C1QTNF7: variants seen among roughly 807,000 people sequenced by gnomAD.
C1QTNF7 encodes the protein complement C1q tumor necrosis factor-related protein 7.
In C1QTNF7, 15 loss-of-function variants were observed where a neutral mutation model predicts 19.6. The observed-to-expected ratio is 0.76, with a 90% CI of 0.51 to 1.18. C1QTNF7 has a LOEUF of 1.18. Among genes scored for constraint, C1QTNF7 ranks in the 50% most tolerant of loss-of-function variants. C1QTNF7 has a pLI of 0.00. For synonymous variants in C1QTNF7, 142 were observed against 137.5 expected (o/e 1.03, Z -0.23); for missense variants, 324 against 359.7 (o/e 0.90, Z 0.80).
intron 1 of C1QTNF7, among the ~76,000 whole-genome samples, chr4:15,430,660 T>A (rs1436915406): frequency 6.6e-6 from 1 of 152,238 alleles, no homozygotes; most frequent in Non-Finnish European, 1.5e-5. Context: ...ATTATTGTAA[T>A]GTTTATGAAA....
intron 1 of C1QTNF7, among the ~76,000 whole-genome samples, chr4:15,372,354 A>C (rs760441074): frequency 6.6e-6 from 1 of 152,180 alleles, no homozygotes; most frequent in African/African-American, 2.4e-5. Context: ...TCTGCCCACC[A>C]TATGAGGACA....
At chr4:15,365,570 C>A (rs72616174) in intron 1 of C1QTNF7, among the ~76,000 whole-genome samples, 21,468 of 152,046 alleles carry the variant, frequency 0.14, 1,762 homozygotes, top group East Asian at 0.4. Flanking sequence ...TGAGAAGAAC[C>A]CATCTCAAAC....
chr4:15,421,292 A>T (rs1172111510), intron 1 of C1QTNF7, among the ~76,000 whole-genome samples: 1 of 152,146 alleles, frequency 6.6e-6, no homozygotes, highest in East Asian at 1.9e-4. Flanking sequence ...TGTCACAAAG[A>T]CACTCTCAAC....
intron 1 of C1QTNF7, among the ~76,000 whole-genome samples, chr4:15,420,420 C>G (rs1380297015): frequency 6.6e-6 from 1 of 152,150 alleles, no homozygotes; most frequent in African/African-American, 2.4e-5. Context: ...CATGCATTTC[C>G]TAGTCCCAAC....
intron 1 of C1QTNF7, chr4:15,373,933 C>A (rs563931152): frequency 1.3e-5 from 2 of 152,264 alleles, no homozygotes; most frequent in Admixed American, 1.3e-4. Context: ...GATACAATTG[C>A]TTTCATCCTG....
At chr4:15,388,826 G>A (rs530086743) in intron 1 of C1QTNF7, among the ~76,000 whole-genome samples, 1 of 152,300 alleles carries the variant, frequency 6.6e-6, no homozygotes, top group Admixed American at 6.5e-5. Context: ...CAAGAAATGA[G>A]GAAGGTGGTA....
intron 2 of C1QTNF7, among the ~76,000 whole-genome samples, chr4:15,440,428 T>A (rs1712708992): frequency 7.0e-6 from 1 of 143,794 alleles, no homozygotes; most frequent in Admixed American, 6.9e-5. Context: ...TTTTTTTTGA[T>A]ACTGAGTCTT....
chr4:15,416,449 A>T (rs1276735028), intron 1 of C1QTNF7, among the ~76,000 whole-genome samples: 1 of 152,188 alleles, frequency 6.6e-6, no homozygotes, highest in East Asian at 1.9e-4. Context: ...TACAAAGTGC[A>T]GGCAAACCAA....
chr4:15,411,641 A>T (rs1719406457), intron 1 of C1QTNF7, among the ~76,000 whole-genome samples: 1 of 152,122 alleles, frequency 6.6e-6, no homozygotes, highest in Non-Finnish European at 1.5e-5. Context: ...ACCAACCCGG[A>T]CACCCCTATT....
At chr4:15,344,973 T>G (rs1716667749) in intron 1 of C1QTNF7, among the ~76,000 whole-genome samples, 1 of 152,252 alleles carries the variant, frequency 6.6e-6, no homozygotes, top group Admixed American at 6.5e-5. Flanking sequence ...CTTATGATCT[T>G]CTGCAGTTCC....
intron 1 of C1QTNF7, among the ~76,000 whole-genome samples, chr4:15,371,071 C>G (rs1717702745): frequency 6.6e-6 from 1 of 152,230 alleles, no homozygotes; most frequent in Non-Finnish European, 1.5e-5. Flanking sequence ...CCTGTCCCGT[C>G]AGCTCTTTCT....
At chr4:15,424,128 GT>G (rs1711928317), upstream of C1QTNF7, among the ~76,000 whole-genome samples, 1 of 152,066 alleles carries the variant, frequency 6.6e-6, no homozygotes, top group Non-Finnish European at 1.5e-5. Flanking sequence ...GTAACTTCCA[GT>G]TACATGAACA....
chr4:15,370,126 T>G (rs900677453), intron 1 of C1QTNF7, among the ~76,000 whole-genome samples: 2 of 152,218 alleles, frequency 1.3e-5, no homozygotes, highest in East Asian at 1.9e-4. Flanking sequence ...TATAGTGATA[T>G]AAGATGTCAC....
chr4:15,386,905 T>A (rs1287043318), intron 1 of C1QTNF7, among the ~76,000 whole-genome samples: 1 of 152,088 alleles, frequency 6.6e-6, no homozygotes, highest in African/African-American at 2.4e-5. Context: ...CCTTTAGCTT[T>A]TATTCAGAGT....
intron 1 of C1QTNF7, among the ~76,000 whole-genome samples, chr4:15,382,099 A>G (rs990514657): frequency 2.6e-5 from 4 of 152,208 alleles, no homozygotes. Context: ...TAATTCCCAG[A>G]ATTTGTGCAA....
intron 2 of C1QTNF7, among the ~76,000 whole-genome samples, chr4:15,440,324 G>A (rs1319357170): frequency 6.6e-6 from 1 of 151,780 alleles, no homozygotes; most frequent in African/African-American, 2.4e-5. Flanking sequence ...CAACCCCAAA[G>A]GTAAAAGGCA....
intron 1 of C1QTNF7, among the ~76,000 whole-genome samples, chr4:15,371,745 T>G (rs1210681131): frequency 1.3e-5 from 2 of 152,156 alleles, no homozygotes; most frequent in African/African-American, 4.8e-5. Context: ...CAGTTTGAAC[T>G]AATGAAGGGA....
intron 1 of C1QTNF7, among the ~76,000 whole-genome samples, chr4:15,387,650 T>C (rs1485974084): frequency 2.0e-5 from 3 of 151,984 alleles, no homozygotes; most frequent in Non-Finnish European, 4.4e-5. Flanking sequence ...AGGAATGCAA[T>C]TGTAGAGAGT....
In C1QTNF7 at chr4:15,357,682, C is replaced by T. The variant is rs573738922; in HGVS notation, c.13+17475C>T. 1.2e-3 allele frequency among the ~76,000 whole-genome samples: 178 copies of T among 152,206 alleles called. 2 individuals carry two copies. The highest frequency in any genetic ancestry group is 4.1e-3 in the African/African-American group (169 of 41,532). On this transcript the variant is annotated intron_variant, in intron 1 of 2. Coordinates refer to the C1QTNF7 transcript ENST00000295297. ...CTTTAAGTTACTTTGGGCAGTATGG[C>T]CATTTTCACAATATTGATTCTTCCT...
Sources: allele counts gnomAD v4.1 joint callset (sites outside exome capture counted in the v4.1 genomes callset), GRCh38; gene constraint gnomAD v4.1.1; transcripts MANE v1.5; gene names NCBI Gene and HGNC (gene_info 2026-07-23, HGNC 2026-07-21).